The following MICAL3 variants were observed in gnomAD, a reference collection of about 807,000 sequenced individuals.
MICAL3 encodes microtubule associated monooxygenase, calponin and LIM domain containing 3, also known as [F-actin]-monooxygenase MICAL3.
A neutral mutation model predicts 207.4 loss-of-function variants in MICAL3; 62 were observed. The ratio of observed to expected loss-of-function variants is 0.30; its 90% CI spans 0.24 to 0.37. MICAL3 has a LOEUF of 0.37. Ranked by LOEUF, MICAL3 falls within the 10% of genes least tolerant of loss-of-function variation. The probability of loss-of-function intolerance (pLI) is 1.00; values close to 1 mark genes in which losing one functional copy is unlikely to be tolerated. For synonymous variants in MICAL3, 1,077 were observed against 1,069.3 expected (o/e 1.01, Z -0.14); for missense variants, 2,368 against 2,635.6 (o/e 0.90, Z 2.22).
chr22:17,998,089 G>A (rs1192570738), intron 1 of MICAL3, among the ~76,000 whole-genome samples: 1 of 151,884 alleles, frequency 6.6e-6, no homozygotes, highest in Non-Finnish European at 1.5e-5. Context: ...ATCACCTGAG[G>A]TCAGGAGTTC....
At chr22:17,816,592 G>T in intron 27 of MICAL3, 98 bp downstream of exon 27, 1 of 951,072 alleles carries the variant, frequency 1.1e-6, no homozygotes, top group African/African-American at 1.6e-5. Flanking sequence ...GTCCATCCCT[G>T]GCTTGCGGTT....
intron 20 of MICAL3, among the ~76,000 whole-genome samples, chr22:17,835,822 C>A (rs776816088): frequency 6.6e-5 from 10 of 152,210 alleles, no homozygotes; most frequent in Non-Finnish European, 1.3e-4. Flanking sequence ...CCCCCAGGGT[C>A]ACACTCTCTC....
At chr22:17,982,521 A>T (rs376466) in intron 1 of MICAL3, among the ~76,000 whole-genome samples, 35,427 of 151,928 alleles carry the variant, frequency 0.23, 4,754 homozygotes, top group East Asian at 0.51. Context: ...AAATACAAAA[A>T]TTAGGCAGGC....
intron 1 of MICAL3, among the ~76,000 whole-genome samples, chr22:17,933,195 T>C (rs1933353834): frequency 6.6e-6 from 1 of 152,218 alleles, no homozygotes; most frequent in Non-Finnish European, 1.5e-5. Flanking sequence ...ATCGCACTTA[T>C]TCTAAAACTG....
chr22:17,946,829 GC>G (rs1330131128), intron 1 of MICAL3, among the ~76,000 whole-genome samples: 3 of 152,178 alleles, frequency 2.0e-5, no homozygotes, highest in African/African-American at 7.2e-5. Flanking sequence ...CCTACAAGCT[GC>G]CTATTTTTAA....
chr22:17,833,597 C>T (rs1455222018), intron 20 of MICAL3, among the ~76,000 whole-genome samples: 1 of 152,222 alleles, frequency 6.6e-6, no homozygotes, highest in Non-Finnish European at 1.5e-5. Flanking sequence ...TTGTCCTTGG[C>T]TCCACGAAAG....
chr22:17,906,974 A>G (rs899501127), intron 1 of MICAL3, 88 bp from the exon 2 acceptor site: 22 of 684,286 alleles, frequency 3.2e-5, no homozygotes, highest in Non-Finnish European at 4.3e-5. Flanking sequence ...GCAGAGTTCT[A>G]AAGTGTCGCA....
chr22:17,993,114 C>T (rs980302717), intron 1 of MICAL3, among the ~76,000 whole-genome samples: 1 of 152,182 alleles, frequency 6.6e-6, no homozygotes, highest in African/African-American at 2.4e-5. Context: ...AAGCCCATGT[C>T]ACTAGTTAAA....
chr22:17,966,816 TA>T (rs1314312188), intron 1 of MICAL3, among the ~76,000 whole-genome samples: 2 of 152,252 alleles, frequency 1.3e-5, no homozygotes, highest in African/African-American at 4.8e-5. Flanking sequence ...TGAGCCTTGC[TA>T]AATGTGCAGC....
At chr22:17,980,186 T>A (rs528624242) in intron 1 of MICAL3, among the ~76,000 whole-genome samples, 1 of 152,194 alleles carries the variant, frequency 6.6e-6, no homozygotes, top group Admixed American at 6.5e-5. Flanking sequence ...GGAGGAAGCA[T>A]GGGATGTAGC....
rs1207731435 is a variant in MICAL3 at position 17,896,792 on chromosome 22, C to T, written c.1138G>A (p.Ala380Thr). 4 of 1,613,924 alleles carry T rather than the reference C, an allele frequency of 2.5e-6. No homozygotes were observed. The highest frequency in any genetic ancestry group is 1.3e-5 in the African/African-American group (1 of 74,944). The change falls in exon 8 of 32, where the codon GCC (alanine) becomes ACC (threonine). Residue 380 changes from alanine to threonine, a missense_variant. Coordinates refer to ENST00000441493, the MANE Select transcript of MICAL3 (RefSeq NM_015241.3). ...CCGTTCTGCTCCCGCACCAAGGCGG[C>T]GTTCTCGGAGGCATACATACAAGTG... ...DFTCMYASEN[A>T]ALVREQNGHQ... is the part of the protein sequence containing the mutation.
rs57454666 is a variant in MICAL3 at position 17,938,713 on chromosome 22, C to T, written c.-74-31827G>A. On this transcript the variant is annotated intron_variant, in intron 1 of 31. Coordinates refer to ENST00000441493, the MANE Select transcript of MICAL3 (RefSeq NM_015241.3). ...GGAAGCGTGGCAGAGGGTGAGGCCA[C>T]TGCTCACTTGTGAAAGTCAGCCCAC... Among the ~76,000 whole-genome samples the T allele has an allele frequency of 2.3e-3, 358 of 152,354 alleles. 8 individuals are homozygous for T. In the East Asian group the frequency reaches 0.057, roughly 24 times the overall value.
At chr22:17,861,798 TACTG>T (rs1926541157) in intron 19 of MICAL3, 1 of 984,934 alleles carries the variant, frequency 1.0e-6, no homozygotes, top group Admixed American at 6.1e-5. Flanking sequence ...CAAACAGAAA[TACTG>T]TAAACAATGC....
chr22:17,884,434 G>T, intron 16 of MICAL3: 1 of 1,120,268 alleles, frequency 8.9e-7, no homozygotes, highest in Non-Finnish European at 1.3e-6. Flanking sequence ...TAAGGTGGGA[G>T]AAGAACAGAA....
At position 17,833,589 on chromosome 22, in the gene MICAL3, G is replaced by C. The variant is rs79324835; in HGVS notation, c.2802-1482C>G. ...GTCCAAAGAGAGGACTCCAGCCCTT[G>C]TCCTTGGCTCCACGAAAGTAACCTA... On this transcript the variant is annotated intron_variant, in intron 20 of 31. Transcript: ENST00000441493. Among the ~76,000 whole-genome samples, 717 of 152,334 alleles carry C rather than the reference G, an allele frequency of 4.7e-3. 4 individuals are homozygous for C. The highest frequency in any genetic ancestry group is 0.017 in the African/African-American group (697 of 41,564).
At position 17,902,528 on chromosome 22, in the gene MICAL3, T is replaced by C; in HGVS notation, c.589+103A>G. 1 of 666,844 alleles carries C rather than the reference T, an allele frequency of 1.5e-6. No homozygotes were observed. The highest frequency in any genetic ancestry group is 1.8e-5 in the African/African-American group (1 of 55,544). The allele number at this position is 666,844 out of a possible 1,614,324, so 41.3% of individuals were successfully genotyped here. A position where few individuals can be genotyped will look rare whatever the true frequency, so the allele number is the denominator to read the frequency against. ...CCCAAAGGCACAGGCTTTGGCTAGC[T>C]CTGGAAGCAGCCCTCAGGAGCCTTT... On this transcript the variant is annotated intron_variant, in intron 4 of 31. Transcript: ENST00000441493. This position sits in a 1 kb window ranked among gnomAD's most constrained non-coding sequence, Gnocchi z 4.5.
chr22:17,826,252 C>T (rs1270354407), intron 22 of MICAL3, among the ~76,000 whole-genome samples: 2 of 145,726 alleles, frequency 1.4e-5, no homozygotes, highest in African/African-American at 5.1e-5. Flanking sequence ...TCACGTTTCC[C>T]TCTGAGCTGC....
chr22:17,868,461 G>C (rs981366752), intron 17 of MICAL3, among the ~76,000 whole-genome samples: 47 of 152,192 alleles, frequency 3.1e-4, no homozygotes, highest in African/African-American at 1.1e-3. Flanking sequence ...TTCTCAGCGA[G>C]GAACAGGAGG....
chr22:18,006,483 T>C (rs1328473737), intron 1 of MICAL3: 1 of 152,156 alleles, frequency 6.6e-6, no homozygotes, highest in African/African-American at 2.4e-5. Context: ...TCTAATTCAA[T>C]CCGCAATGGA....
Sources: gnomAD v4.1 joint callset for allele counts (sites outside exome capture counted in the v4.1 genomes callset) on GRCh38, gnomAD v4.1.1 for gene constraint, Gnocchi (gnomAD v3.1) non-coding constraint, MANE v1.5 for transcripts, NCBI Gene and HGNC (gene_info 2026-07-23, HGNC 2026-07-21) for gene names.